The following CFAP65 variants were observed in gnomAD, a reference collection of about 807,000 sequenced individuals.
CFAP65 encodes the protein cilia- and flagella-associated protein 65.
In CFAP65, 155 loss-of-function variants were observed where a neutral mutation model predicts 208.0. That is an observed-to-expected ratio of 0.75 (90% CI 0.65 to 0.85). CFAP65 has a LOEUF of 0.85. Ranked by LOEUF, CFAP65 falls within the 40% of genes least tolerant of loss-of-function variation. The pLI is 0.00. For synonymous variants in CFAP65, 970 were observed against 986.3 expected (o/e 0.98, Z 0.31); for missense variants, 2,294 against 2,451.3 (o/e 0.94, Z 1.36).
chr2:219,007,857 C>T (rs1211058774), intron 29 of CFAP65, among the ~76,000 whole-genome samples: 1 of 151,060 alleles, frequency 6.6e-6, no homozygotes, highest in African/African-American at 2.4e-5. Flanking sequence ...CTCGCTCTGT[C>T]GCCCAGGCTG....
intron 2 of CFAP65, among the ~76,000 whole-genome samples, chr2:219,039,648 A>T (rs1365901793): frequency 1.3e-5 from 2 of 152,238 alleles, no homozygotes; most frequent in Non-Finnish European, 2.9e-5. Context: ...ATTAATTATA[A>T]TGATATATTT....
chr2:219,029,931 A>G (rs1237157113), intron 10 of CFAP65, 55 bp downstream of exon 10: 1 of 1,535,792 alleles, frequency 6.5e-7, no homozygotes, highest in Non-Finnish European at 9.0e-7. Flanking sequence ...GCTCTTCAGA[A>G]TCCTCAGCAG....
At chr2:219,029,075 T>C (rs1173990245) in intron 11 of CFAP65, among the ~76,000 whole-genome samples, 2 of 152,160 alleles carry the variant, frequency 1.3e-5, no homozygotes, top group African/African-American at 4.8e-5. Flanking sequence ...TGTGAAGTCA[T>C]GGAAGGCAAA....
Position 219,032,800 on chromosome 2 carries a change from G to T in CFAP65, c.543-228C>A, listed in dbSNP as rs532234541. On this transcript the variant is annotated intron_variant, in intron 5 of 34. Transcript: ENST00000341552. This position sits in a 1 kb window ranked among gnomAD's most constrained non-coding sequence, Gnocchi z 5.5. ...CAGAGATCTTCACTCTGAACAAAAG[G>T]GGAGTAGTGTTTGTACCTCTGATGA... 6.6e-6 allele frequency among the ~76,000 whole-genome samples: 1 copy of T among 152,228 alleles called. No homozygotes were observed. Among genetic ancestry groups the T allele is most frequent in the South Asian group, 2.1e-4 (1 of 4,814 alleles).
At chr2:219,013,736 C>T (rs1197073503) in intron 22 of CFAP65, 132 bp downstream of exon 22, 13 of 1,152,908 alleles carry the variant, frequency 1.1e-5, no homozygotes, top group Non-Finnish European at 1.5e-5. Context: ...GGAAATTAGA[C>T]CTCCTCTGCA....
Position 219,006,102 on chromosome 2 carries a change from A to G in CFAP65, c.4841T>C (p.Leu1614Pro). 1 of 1,613,654 alleles carries G rather than the reference A, an allele frequency of 6.2e-7. No homozygotes were observed. The highest frequency in any genetic ancestry group is 8.5e-7 in the Non-Finnish European group (1 of 1,180,016). ...GGCATGGGCTCGGGCAGTAAGGCCC[A>G]GGCAGAGCATGCCTGGCGAGGGTGG... is the stretch of plus-strand genomic sequence containing the variant. The part of the protein sequence containing the change: ...PQPPSPGMLC[L>P]GLTARAHATD... Residue 1614 changes from leucine to proline, a missense_variant, in exon 31 of 35, where the codon CTG (leucine) becomes CCG (proline). Around this residue, in one of 2 missense-constraint regions of CFAP65, gnomAD observed 1,427 missense variants for 1,438.7 expected, o/e 0.99. Coordinates refer to ENST00000341552, the MANE Select transcript of CFAP65 (RefSeq NM_194302.4).
chr2:219,035,920 T>C (rs1451839565), intron 4 of CFAP65, among the ~76,000 whole-genome samples: 1 of 152,198 alleles, frequency 6.6e-6, no homozygotes, highest in African/African-American at 2.4e-5. Flanking sequence ...CCCCTGCCCC[T>C]GAAGCCTTCC....
chr2:219,024,532 C>T (rs906708650), intron 14 of CFAP65, among the ~76,000 whole-genome samples: 9 of 151,962 alleles, frequency 5.9e-5, no homozygotes, highest in Admixed American at 2.6e-4. Flanking sequence ...GCCTCCAAGG[C>T]CGTTCCTCAA....
rs9967806 is a variant in CFAP65 at position 219,014,034 on chromosome 2, G to A, written c.3613C>T (p.Leu1205Phe). ...ACGTCAATCCGCTGGTCACTTGGAA[G>A]GAGGAAGGCCCTGGGAGAGGGGTGC... is the stretch of plus-strand genomic sequence containing the variant. Reference protein sequence around the residue: ...GVVSLDWAFLLPSDQRIDVEL... With the variant: ...GVVSLDWAFLFPSDQRIDVEL... The change falls in exon 22 of 35, where the codon CTT becomes TTT. Residue 1205 changes from leucine to phenylalanine, a missense_variant. Transcript: ENST00000341552. 0.064 allele frequency: 103,394 copies of A among 1,610,178 alleles called. 13,586 individuals are homozygous for A. The highest frequency in any genetic ancestry group is 0.55 in the African/African-American group (41,374 of 74,778).
intron 26 of CFAP65, 136 bp downstream of exon 26, chr2:219,010,410 A>C: frequency 1.1e-6 from 1 of 920,524 alleles, no homozygotes; most frequent in Non-Finnish European, 1.6e-6. Flanking sequence ...GTGAGTTCCA[A>C]GGTCTCATCT....
Position 219,031,221 on chromosome 2 carries a change from G to C in CFAP65, c.900C>G (p.Ala300=). 6.2e-7 allele frequency: 1 copy of C among 1,613,776 alleles called. No individual in the cohort carries two copies. The highest frequency in any genetic ancestry group is 2.2e-5 in the East Asian group (1 of 44,882). Residue 300 remains alanine, a synonymous_variant, in exon 8 of 35, where the codon GCC becomes GCG. Coordinates refer to ENST00000341552, the MANE Select transcript of CFAP65 (RefSeq NM_194302.4). This position sits in a 1 kb window ranked among gnomAD's most constrained non-coding sequence, Gnocchi z 5.2. ...GCTGAAAGGTCACCTTGATCTGAGA[G>C]GCCTGGCCTGGCTCCAGGAGCCCCG... is the stretch of plus-strand genomic sequence containing the variant. The part of the protein sequence containing the change: ...PATGLLEPGQ[A]SQIKVTFQPL...
rs775756489 is a variant in CFAP65, at chr2:219,019,594, G to A, written c.3385C>T (p.Arg1129Cys). Residue 1129 changes from arginine to cysteine, a missense_variant, in exon 20 of 35, where the codon CGC (arginine) becomes TGC (cysteine). Coordinates refer to ENST00000341552, the MANE Select transcript of CFAP65 (RefSeq NM_194302.4). ...TTAAGCAGGTCCAGAGAGAAGAGGC[G>A]CCACAGGTGCTTCCGGGTGATACCC... is the stretch of plus-strand genomic sequence containing the variant. ...AEGITRKHLW[R>C]LFSLDLLNSY... The A allele has an allele frequency of 9.3e-6, 15 of 1,613,700 alleles. No individual in the cohort carries two copies. The highest frequency in any genetic ancestry group is 8.0e-5 in the African/African-American group (6 of 74,942).
At chr2:219,018,868 A>G in intron 21 of CFAP65, 183 bp downstream of exon 21, 1 of 735,784 alleles carries the variant, frequency 1.4e-6, no homozygotes, top group South Asian at 1.7e-5. Flanking sequence ...AGCCGGTGAC[A>G]GGCCCGGAGT....
chr2:219,040,545 T>C lies in CFAP65; in HGVS notation c.-29A>G, dbSNP rs1001878007. ...TCCAATTGTGAACTGGACGTTCAGA[T>C]GAAATCAAAGAAATGTAAGCTGAGG... is the stretch of plus-strand genomic sequence containing the variant. On this transcript the variant is annotated 5_prime_UTR_variant, in exon 2 of 35. Coordinates refer to ENST00000341552, the MANE Select transcript of CFAP65 (RefSeq NM_194302.4). 2 of 1,546,338 alleles carry C rather than the reference T, an allele frequency of 1.3e-6. No individual in the cohort carries two copies. Among genetic ancestry groups the C allele is most frequent in the African/African-American group, 1.4e-5 (1 of 73,070 alleles).
chr2:219,011,938 G>A (rs1946517562), intron 24 of CFAP65, among the ~76,000 whole-genome samples: 1 of 152,204 alleles, frequency 6.6e-6, no homozygotes, highest in African/African-American at 2.4e-5. Context: ...ATGATCAGGA[G>A]GTGATTCGGC....
intron 2 of CFAP65, 148 bp from the exon 3 acceptor site, chr2:219,039,198 C>T (rs1308225622): frequency 3.4e-6 from 2 of 591,822 alleles, no homozygotes; most frequent in Admixed American, 7.6e-5. Context: ...GCTATGTATG[C>T]ATACATGTCT....
At position 219,029,616 on chromosome 2, in the gene CFAP65, A is replaced by G. The variant is rs1207677955; in HGVS notation, c.1437T>C (p.Leu479=). 7 of 1,614,072 alleles carry G rather than the reference A, an allele frequency of 4.3e-6. No individual in the cohort carries two copies. Among genetic ancestry groups the G allele is most frequent in the Non-Finnish European group, 5.9e-6 (7 of 1,179,996 alleles). ...HYCVNFSWVN[L]GERSEQPLWI... is the part of the protein sequence containing the mutation. ...ACAGGGGCTGCTCGGAGCGCTCCCC[A>G]AGGTTGACCCAGCTGAAGTTGACAC... The change falls in exon 11 of 35, where the codon CTT becomes CTC. Residue 479 remains leucine, a synonymous_variant. Transcript: ENST00000341552.
Position 219,009,059 on chromosome 2 carries a change from G to A in CFAP65, c.4662C>T (p.Asp1554=), listed in dbSNP as rs776755764. 1 of 1,612,250 alleles carries A rather than the reference G, an allele frequency of 6.2e-7. No homozygotes were observed. Among genetic ancestry groups the A allele is most frequent in the Non-Finnish European group, 8.5e-7 (1 of 1,179,378 alleles). Residue 1554 remains aspartate, a synonymous_variant, in exon 29 of 35, where the codon GAC becomes GAT. Transcript: ENST00000341552. The stretch of plus-strand genomic sequence containing the variant: ...CAGCCCTCCTCACCTTCACTTTCAT[G>A]TCGGTGATGGTGAACTCCACTTCCT... ...VRQEVEFTIT[D]MKVKKRTCCT... is the part of the protein sequence containing the mutation.
chr2:219,026,134 T>C lies in CFAP65; in HGVS notation c.2237A>G (p.Glu746Gly). ...GGATGGGCACATGGTGCAGTCCTCC[T>C]CAATATTACTGTAGCTCTGCAGGAC... ...YKVLQSYSNI[E>G]EDCTMCPSWC... Residue 746 changes from glutamate to glycine, a missense_variant, in exon 14 of 35, where the codon GAG becomes GGG. By Grantham distance (98) the Glu-to-Gly change is moderately conservative (BLOSUM62 -2). Transcript: ENST00000341552. 6.2e-7 allele frequency: 1 copy of C among 1,613,604 alleles called. No individual in the cohort carries two copies. Among genetic ancestry groups the C allele is most frequent in the Admixed American group, 1.7e-5 (1 of 60,018 alleles).
Sources: allele counts gnomAD v4.1 joint callset (sites outside exome capture counted in the v4.1 genomes callset), GRCh38; gene constraint gnomAD v4.1.1; regional missense constraint gnomAD v4.1.1; non-coding constraint Gnocchi (gnomAD v3.1); transcripts MANE v1.5; gene names NCBI Gene and HGNC (gene_info 2026-07-23, HGNC 2026-07-21).